DACH2: variants seen among roughly 807,000 people sequenced by gnomAD.
The protein encoded by DACH2 is dachshund homolog 2.
In DACH2, 17 loss-of-function variants were observed where a neutral mutation model predicts 35.8. The observed-to-expected ratio is 0.48, with a 90% CI of 0.33 to 0.71. DACH2 has a LOEUF of 0.71. Ranked by LOEUF, DACH2 falls within the 30% of genes least tolerant of loss-of-function variation. The pLI, the probability that DACH2 is intolerant of heterozygous loss-of-function variation, is 0.02. For missense variants in DACH2, 469 were observed against 472.7 expected (o/e 0.99, Z 0.07); for synonymous variants, 195 against 177.3 (o/e 1.10, Z -0.79).
rs764716017 is a variant in DACH2 at position 86,377,490 on chromosome X, T to C, written c.527+628T>C. Among the ~76,000 whole-genome samples the C allele has an allele frequency of 9.2e-4, 102 of 111,075 alleles. 1 individual carries two copies. The Middle Eastern group carries it at 0.019, about 20-fold the overall frequency. ...ATCTTAGTAAAAGGGCAATCAGAGA[T>C]AACATATTGTTCCAGGCCTCAGACA... On this transcript the variant is annotated intron_variant, in intron 2 of 11. Coordinates refer to ENST00000373125, the MANE Select transcript of DACH2 (RefSeq NM_053281.3).
At chrX:86,264,855 G>T (rs941360822) in intron 1 of DACH2, among the ~76,000 whole-genome samples, 1 of 111,038 alleles carries the variant, frequency 9.0e-6, no homozygotes, top group Non-Finnish European at 1.9e-5. Context: ...TCACTGTGAA[G>T]GCCAATCAAT....
intron 3 of DACH2, among the ~76,000 whole-genome samples, chrX:86,517,935 G>T (rs1218611520): frequency 2.7e-5 from 3 of 111,390 alleles, no homozygotes; most frequent in Admixed American, 9.6e-5. Context: ...CTTTTGTCGT[G>T]ATTGCTTTTG....
chrX:86,329,431 C>T (rs1348315118), intron 1 of DACH2, among the ~76,000 whole-genome samples: 1 of 111,394 alleles, frequency 9.0e-6, no homozygotes, highest in Non-Finnish European at 1.9e-5. Context: ...TGCTCCCCTC[C>T]CTTTTCATTG....
At chrX:86,303,386 T>C (rs1215601292) in intron 1 of DACH2, among the ~76,000 whole-genome samples, 1 of 110,142 alleles carries the variant, frequency 9.1e-6, no homozygotes, top group Non-Finnish European at 1.9e-5. Flanking sequence ...TTATATTGGC[T>C]ATAGAGGGTG....
intron 3 of DACH2, among the ~76,000 whole-genome samples, chrX:86,604,097 A>G (rs2039827255): frequency 9.0e-6 from 1 of 111,425 alleles, no homozygotes; most frequent in Non-Finnish European, 1.9e-5. Flanking sequence ...CTTGAAAAAA[A>G]GTATATTCTG....
intron 1 of DACH2, among the ~76,000 whole-genome samples, chrX:86,360,304 A>C (rs761942879): frequency 9.0e-6 from 1 of 111,139 alleles, no homozygotes; most frequent in Non-Finnish European, 1.9e-5. Context: ...CTCTTTCCCA[A>C]GGATTTTCCC....
intron 1 of DACH2, among the ~76,000 whole-genome samples, chrX:86,270,086 T>C (rs2147971213): frequency 9.6e-6 from 1 of 104,659 alleles, no homozygotes; most frequent in African/African-American, 3.5e-5. Flanking sequence ...ATGTATTTTG[T>C]CATTCAGATG....
In DACH2 at chrX:86,651,056, G is replaced by T. The variant is rs1261562354; in HGVS notation, c.661G>T (p.Ala221Ser). 2 of 1,206,800 alleles carry T rather than the reference G, an allele frequency of 1.7e-6. No homozygotes were observed. Among genetic ancestry groups the T allele is most frequent in the South Asian group, 3.6e-5 (2 of 56,087 alleles). The change falls in exon 4 of 12, where the codon GCT becomes TCT. Residue 221 changes from alanine (A) to serine (S), a missense_variant. This residue lies in a region of DACH2 where 363 missense variants were observed against 334.4 expected (regional missense o/e 1.09). Transcript: ENST00000373125. ...TTTAGGTATAACAGCTGCAGCGATG[G>T]CTGAGGCGATGAAACTTCAGAAGAT... ...TPTGITAAAMAEAMKLQKMKL... is the reference protein window; with the variant it reads ...TPTGITAAAMSEAMKLQKMKL...
intron 2 of DACH2, among the ~76,000 whole-genome samples, chrX:86,423,941 A>G (rs971699987): frequency 1.8e-5 from 2 of 110,944 alleles, no homozygotes; most frequent in Admixed American, 9.6e-5. Context: ...TGAAGAAACC[A>G]TCTTTACCCC....
chrX:86,550,277 A>G (rs2039031055), intron 3 of DACH2, among the ~76,000 whole-genome samples: 1 of 111,496 alleles, frequency 9.0e-6, no homozygotes, highest in East Asian at 2.8e-4. Context: ...TTTGTTTTAC[A>G]TTTTTGGAAT....
chrX:86,752,229 C>T (rs2041781413), intron 7 of DACH2, among the ~76,000 whole-genome samples: 2 of 111,201 alleles, frequency 1.8e-5, no homozygotes, highest in African/African-American at 6.5e-5. Context: ...GTTAAAAAAA[C>T]TACGAATTTC....
chrX:86,373,161 A>C (rs2035915079), intron 1 of DACH2, among the ~76,000 whole-genome samples: 1 of 110,803 alleles, frequency 9.0e-6, no homozygotes, highest in Non-Finnish European at 1.9e-5. Context: ...TTTTGGTAGA[A>C]AAATTTATTT....
rs762399099 is a variant in DACH2, at chrX:86,303,598, C to A, written c.489-73226C>A. 5.4e-5 allele frequency among the ~76,000 whole-genome samples: 6 copies of A among 110,644 alleles called. No homozygotes were observed. In the South Asian group the frequency reaches 2.3e-3, roughly 43 times the overall value. On this transcript the variant is annotated intron_variant, in intron 1 of 11. Coordinates refer to ENST00000373125, the MANE Select transcript of DACH2 (RefSeq NM_053281.3). ...TTGGGAAGTGGGGTACACCAGATGA[C>A]TTTTAATATTTCTTTCTACCTTTGG...
At chrX:86,401,101 G>A (rs1029483311) in intron 2 of DACH2, among the ~76,000 whole-genome samples, 21 of 111,762 alleles carry the variant, frequency 1.9e-4, no homozygotes, top group Admixed American at 3.8e-4. Context: ...CCCCAGCCTC[G>A]CTACTGCCTT....
chrX:86,227,434 C>T (rs1490165043), intron 1 of DACH2, among the ~76,000 whole-genome samples: 1 of 110,494 alleles, frequency 9.1e-6, no homozygotes, highest in East Asian at 2.8e-4. Flanking sequence ...TTGTATTGTT[C>T]CTGTTTATGT....
chrX:86,624,060 CAAA>C (rs34140706), intron 3 of DACH2, among the ~76,000 whole-genome samples: 5 of 36,052 alleles, frequency 1.4e-4, no homozygotes, highest in African/African-American at 4.1e-4. Context: ...AAAAACAAAA[CAAA>C]AAAAAAAAAA....
At position 86,832,291 on chromosome X, in the gene DACH2, A is replaced by T; in HGVS notation, c.*136A>T. 1 of 514,308 alleles carries T rather than the reference A, an allele frequency of 1.9e-6. No individual in the cohort carries two copies. 42.4% of individuals were successfully genotyped at this position (514,308 alleles called of 1,213,427 possible). A position where few individuals can be genotyped will look rare whatever the true frequency, so the allele number is the denominator to read the frequency against. On this transcript the variant is annotated 3_prime_UTR_variant, in exon 12 of 12. Transcript: ENST00000373125. Reference sequence around the variant, plus strand: ...CTGAAGGAGCTATTTAATCTATGTTACATTAAAAAAGAAACGCGTGTACAT... The same window carrying T: ...CTGAAGGAGCTATTTAATCTATGTTTCATTAAAAAAGAAACGCGTGTACAT...
At chrX:86,356,759 A>T (rs1042786058) in intron 1 of DACH2, among the ~76,000 whole-genome samples, 4 of 111,650 alleles carry the variant, frequency 3.6e-5, no homozygotes, top group Non-Finnish European at 7.5e-5. Context: ...TGGCAGATAT[A>T]TGAGTTGAAA....
chrX:86,759,561 T>C (rs957733744), intron 7 of DACH2, among the ~76,000 whole-genome samples: 21 of 56,442 alleles, frequency 3.7e-4, no homozygotes, highest in African/African-American at 1.2e-3. Flanking sequence ...TTGTTGTTTG[T>C]TTTTTTTTTT....
Sources: gnomAD v4.1 joint callset for allele counts (sites outside exome capture counted in the v4.1 genomes callset) on GRCh38, gnomAD v4.1.1 for gene constraint, gnomAD v4.1.1 regional missense constraint, MANE v1.5 for transcripts, NCBI Gene and HGNC (gene_info 2026-07-23, HGNC 2026-07-21) for gene names.